The following NDUFAF6 variants were observed in gnomAD, a reference collection of about 807,000 sequenced individuals.
NDUFAF6 encodes the protein NADH dehydrogenase (ubiquinone) complex I, assembly factor 6.
In NDUFAF6, 45 loss-of-function variants were observed where a neutral mutation model predicts 40.8. The observed-to-expected ratio is 1.10, with a 90% CI of 0.87 to 1.42. NDUFAF6 has a LOEUF of 1.42. NDUFAF6 is among the 40% of genes most tolerant of loss of function. NDUFAF6 has a pLI of 0.00. For missense variants in NDUFAF6, 435 were observed against 418.5 expected, an observed-to-expected ratio of 1.04 and a Z score of -0.34; for synonymous variants, 185 against 155.9, an observed-to-expected ratio of 1.19 and a Z score of -1.39.
intron 1 of NDUFAF6, among the ~76,000 whole-genome samples, chr8:94,915,446 A>T (rs1027528718): frequency 6.6e-6 from 1 of 152,132 alleles, no homozygotes; most frequent in East Asian, 1.9e-4. Context: ...TATGTGTACC[A>T]TGTTTTTTAA....
At chr8:95,118,370 A>G (rs557259504), downstream of NDUFAF6, among the ~76,000 whole-genome samples, 2 of 152,214 alleles carry the variant, frequency 1.3e-5, no homozygotes, top group Non-Finnish European at 2.9e-5. Context: ...TTAGACTCCT[A>G]ACGTTGGTGC....
downstream of NDUFAF6, among the ~76,000 whole-genome samples, chr8:95,078,065 C>G (rs1488763180): frequency 6.6e-6 from 1 of 152,126 alleles, no homozygotes; most frequent in Admixed American, 6.5e-5. Flanking sequence ...ATAAAGCAGA[C>G]CCAGGAGGCA....
chr8:95,083,677 T>G (rs917214078), intron 2 of NDUFAF6, among the ~76,000 whole-genome samples: 2 of 152,242 alleles, frequency 1.3e-5, no homozygotes, highest in Admixed American at 1.3e-4. Context: ...ACTTCTTTAT[T>G]AATGCATTAA....
chr8:95,000,472 A>C (rs1826670143), intron 2 of NDUFAF6, among the ~76,000 whole-genome samples: 1 of 152,220 alleles, frequency 6.6e-6, no homozygotes, highest in African/African-American at 2.4e-5. Context: ...CATAGAACCA[A>C]AAATCGGTGT....
exon 1 of NDUFAF6, chr8:94,895,881 C>G (rs926280704): frequency 1.3e-5 from 2 of 153,958 alleles, no homozygotes; most frequent in Non-Finnish European, 2.9e-5. Context: ...GCTCCGCCGG[C>G]CTTGCGCGGC....
intron 9 of NDUFAF6, among the ~76,000 whole-genome samples, chr8:95,064,877 C>T (rs1280155318): frequency 1.3e-5 from 2 of 152,128 alleles, no homozygotes; most frequent in South Asian, 2.1e-4. Context: ...CCTCAGTCTA[C>T]GAGCTTAGAT....
downstream of NDUFAF6, among the ~76,000 whole-genome samples, chr8:95,107,269 G>T (rs1225057815): frequency 2.0e-5 from 3 of 152,178 alleles, no homozygotes; most frequent in African/African-American, 7.2e-5. Flanking sequence ...TAAAGCAAAT[G>T]TGGCTGCACC....
At chr8:94,955,164 T>C (rs746856937), upstream of NDUFAF6, among the ~76,000 whole-genome samples, 22 of 152,230 alleles carry the variant, frequency 1.4e-4, no homozygotes, top group Non-Finnish European at 2.2e-4. Context: ...CTTTGGTAAG[T>C]GTGTGTTCTT....
At chr8:94,907,453 A>G (rs1478071594) in intron 1 of NDUFAF6, among the ~76,000 whole-genome samples, 1 of 152,224 alleles carries the variant, frequency 6.6e-6, no homozygotes, top group African/African-American at 2.4e-5. Flanking sequence ...AAAGGACCCT[A>G]GAAAAGGGTA....
intron 4 of NDUFAF6, among the ~76,000 whole-genome samples, chr8:95,113,191 T>C (rs1226880075): frequency 6.6e-6 from 1 of 152,218 alleles, no homozygotes; most frequent in Non-Finnish European, 1.5e-5. Context: ...TCTGATTTTT[T>C]GTGGGGAGTG....
chr8:94,962,535 C>T (rs1425245178), intron 1 of NDUFAF6, among the ~76,000 whole-genome samples: 2 of 152,158 alleles, frequency 1.3e-5, no homozygotes, highest in African/African-American at 2.4e-5. Context: ...TCAAGTAATT[C>T]GACTGCCTTG....
chr8:94,973,903 T>C lies in NDUFAF6; in HGVS notation c.-198-6956T>C, dbSNP rs768369736. Reference sequence around the variant, plus strand: ...TCCCCAGACATGGAATCTTTGATCTTGGACTTCCCACCCTCCAGAACTGTG... The same window carrying C: ...TCCCCAGACATGGAATCTTTGATCTCGGACTTCCCACCCTCCAGAACTGTG... On this transcript the variant is annotated intron_variant, in intron 1 of 9. Coordinates refer to the NDUFAF6 transcript ENST00000396111. Among the ~76,000 whole-genome samples, 11 of 151,532 alleles carry C rather than the reference T, an allele frequency of 7.3e-5. 1 individual carries two copies. The highest frequency in any genetic ancestry group is 1.3e-4 in the Non-Finnish European group (9 of 67,954).
chr8:94,945,696 A>T (rs1351593671), intron 2 of NDUFAF6: 1 of 152,262 alleles, frequency 6.6e-6, no homozygotes. Context: ...GGGCAATCAT[A>T]GAACGAAAAT....
intron 1 of NDUFAF6, among the ~76,000 whole-genome samples, chr8:94,965,493 A>G (rs968497757): frequency 6.6e-6 from 1 of 152,220 alleles, no homozygotes; most frequent in Non-Finnish European, 1.5e-5. Flanking sequence ...TCCTGTTTTT[A>G]TGTTTAAGGA....
rs116712289 is a variant in NDUFAF6 at position 95,002,499 on chromosome 8, A to T, written c.-84+21526A>T. Among the ~76,000 whole-genome samples, 1,513 of 152,322 alleles carry T rather than the reference A, an allele frequency of 9.9e-3. 28 individuals are homozygous for T. Among genetic ancestry groups the T allele is most frequent in the African/African-American group, 0.035 (1,442 of 41,562 alleles). On this transcript the variant is annotated intron_variant, in intron 2 of 9. Transcript: ENST00000396111. ...TTGCATCCAACTTATGTATCATCTG[A>T]TAGAAAGGCCCAAGAACACAAACAA... is the stretch of plus-strand genomic sequence containing the variant.
intron 2 of NDUFAF6, among the ~76,000 whole-genome samples, chr8:95,014,996 C>A (rs1229130798): frequency 6.6e-6 from 1 of 152,196 alleles, no homozygotes; most frequent in Non-Finnish European, 1.5e-5. Flanking sequence ...TGTGTCAACA[C>A]CTGCAGTAAT....
chr8:95,056,564 T>A (rs1444024605), intron 8 of NDUFAF6, among the ~76,000 whole-genome samples: 1 of 152,040 alleles, frequency 6.6e-6, no homozygotes, highest in East Asian at 1.9e-4. Flanking sequence ...AGCTGGGACA[T>A]TGATGCATGT....
In NDUFAF6 at chr8:94,933,840, G is replaced by GGT. The variant is rs1554630483; in HGVS notation, c.-935-11642_-935-11641insTG. On this transcript the variant is annotated intron_variant, in intron 1 of 14. Coordinates refer to the NDUFAF6 transcript ENST00000396113. Reference sequence around the variant, plus strand: ...CTGTAATCCCAGCACTTTGTGGGGGGGGGGGGAGGATCACGAGGTCAGGAG... The same window carrying GGT: ...CTGTAATCCCAGCACTTTGTGGGGGGGTGGGGGGAGGATCACGAGGTCAGGAG... Among the ~76,000 whole-genome samples, 2 of 148,494 alleles carry GGT rather than the reference G, an allele frequency of 1.3e-5. 1 individual carries two copies.
At chr8:94,972,041 A>G (rs1051914435) in intron 1 of NDUFAF6, among the ~76,000 whole-genome samples, 7 of 152,172 alleles carry the variant, frequency 4.6e-5, no homozygotes, top group East Asian at 3.8e-4. Flanking sequence ...TGGCAGTGTT[A>G]CCTCCATCTT....
Sources: allele counts gnomAD v4.1 joint callset (sites outside exome capture counted in the v4.1 genomes callset), GRCh38; gene constraint gnomAD v4.1.1; transcripts MANE v1.5; gene names NCBI Gene and HGNC (gene_info 2026-07-23, HGNC 2026-07-21).